Variants in IKZF3 observed in about 807,000 individuals in gnomAD.
IKZF3 encodes zinc finger protein Aiolos.
In IKZF3, 10 loss-of-function variants were observed where a neutral mutation model predicts 49.0. That is an observed-to-expected ratio of 0.20 (90% CI 0.13 to 0.35). IKZF3 has a LOEUF of 0.35. Among genes scored for constraint, IKZF3 ranks in the 10% least tolerant of loss-of-function variants. IKZF3 has a pLI of 1.00. For missense variants in IKZF3, 498 were observed against 664.8 expected, an observed-to-expected ratio of 0.75 and a Z score of 2.76; for synonymous variants, 209 against 228.2, an observed-to-expected ratio of 0.92 and a Z score of 0.76.
intron 7 of IKZF3, among the ~76,000 whole-genome samples, chr17:39,777,004 G>T (rs1367077516): frequency 6.6e-6 from 1 of 152,148 alleles, no homozygotes; most frequent in Non-Finnish European, 1.5e-5. Flanking sequence ...GTAAACATCT[G>T]GGAGAGTTCA....
chr17:39,843,003 G>A (rs1358239755), intron 1 of IKZF3, among the ~76,000 whole-genome samples: 3 of 152,092 alleles, frequency 2.0e-5, no homozygotes, highest in Admixed American at 1.3e-4. Flanking sequence ...AACCAAACTC[G>A]AATTTGCAGG....
At chr17:39,799,610 A>T (rs2061266158) in intron 3 of IKZF3, among the ~76,000 whole-genome samples, 1 of 152,136 alleles carries the variant, frequency 6.6e-6, no homozygotes, top group Non-Finnish European at 1.5e-5. Flanking sequence ...CTCAACCTAG[A>T]CCTACTGGAC....
chr17:39,772,824 CA>C (rs1712754526), intron 7 of IKZF3, among the ~76,000 whole-genome samples: 1 of 151,988 alleles, frequency 6.6e-6, no homozygotes, highest in Non-Finnish European at 1.5e-5. Flanking sequence ...TTCCTCCTAT[CA>C]ATTTTCTTTT....
intron 1 of IKZF3, among the ~76,000 whole-genome samples, chr17:39,850,723 TACATATATAATAGGC>T (rs2062828502): frequency 5.6e-5 from 1 of 17,834 alleles, no homozygotes. Context: ...ATTATATATA[TACATATATAATAGGC>T]TATATAGTAT....
At chr17:39,821,864 A>C (rs575914782) in intron 3 of IKZF3, among the ~76,000 whole-genome samples, 14 of 152,230 alleles carry the variant, frequency 9.2e-5, no homozygotes, top group Non-Finnish European at 1.6e-4. Flanking sequence ...GATCAGTACC[A>C]TCAGCTTCCT....
intron 3 of IKZF3, among the ~76,000 whole-genome samples, chr17:39,812,915 G>A (rs1241302116): frequency 2.0e-5 from 3 of 151,984 alleles, no homozygotes; most frequent in Non-Finnish European, 4.4e-5. Flanking sequence ...TGGCTAACAC[G>A]GTGAAACCCC....
chr17:39,819,466 T>C (rs2061753109), intron 3 of IKZF3, among the ~76,000 whole-genome samples: 1 of 152,178 alleles, frequency 6.6e-6, no homozygotes, highest in Non-Finnish European at 1.5e-5. Context: ...CAACATCATA[T>C]GCCTTTCCTC....
chr17:39,775,651 G>A lies in IKZF3; in HGVS notation c.826+2000C>T, dbSNP rs181818554. ...GATTGAAATTAAGTCACAGCTGGGC[G>A]CAGTGGCTCACGCCTGTAATCCCAG... is the stretch of plus-strand genomic sequence containing the variant. On this transcript the variant is annotated intron_variant, in intron 7 of 7. Transcript: ENST00000346872. Among the ~76,000 whole-genome samples, 290 of 152,296 alleles carry A rather than the reference G, an allele frequency of 1.9e-3. 1 individual carries two copies. The highest frequency in any genetic ancestry group is 3.1e-3 in the Non-Finnish European group (209 of 68,018).
chr17:39,847,898 C>A (rs1036620968), intron 1 of IKZF3, among the ~76,000 whole-genome samples: 1 of 152,130 alleles, frequency 6.6e-6, no homozygotes, highest in Non-Finnish European at 1.5e-5. Context: ...GAATTTAAAT[C>A]GTGTTTTAAA....
At chr17:39,814,920 T>C (rs1246518731) in intron 3 of IKZF3, among the ~76,000 whole-genome samples, 1 of 152,154 alleles carries the variant, frequency 6.6e-6, no homozygotes, top group Non-Finnish European at 1.5e-5. Flanking sequence ...AATGTGCAAC[T>C]CAGGCAGGGT....
At chr17:39,823,358 A>T (rs1360060408) in intron 3 of IKZF3, among the ~76,000 whole-genome samples, 2 of 152,198 alleles carry the variant, frequency 1.3e-5, no homozygotes, top group Non-Finnish European at 2.9e-5. Flanking sequence ...TCTAAGCAGC[A>T]AAGCGTTCAA....
chr17:39,854,148 T>C (rs1245415560), intron 1 of IKZF3, among the ~76,000 whole-genome samples: 1 of 151,886 alleles, frequency 6.6e-6, no homozygotes, highest in East Asian at 1.9e-4. Flanking sequence ...AAAGTCCCAA[T>C]TGTAATATAA....
intron 3 of IKZF3, among the ~76,000 whole-genome samples, chr17:39,818,656 T>A (rs745921656): frequency 1.3e-5 from 2 of 152,010 alleles, no homozygotes; most frequent in African/African-American, 2.4e-5. Flanking sequence ...TTGAGACCAG[T>A]CTGGCCATCT....
intron 3 of IKZF3, among the ~76,000 whole-genome samples, chr17:39,823,418 T>A (rs761523508): frequency 6.6e-6 from 1 of 152,052 alleles, no homozygotes; most frequent in Non-Finnish European, 1.5e-5. Context: ...GACAATGTGA[T>A]AGAAAAGAAA....
chr17:39,763,705 A>C lies in IKZF3; in HGVS notation c.*2085T>G, dbSNP rs999871235. On this transcript the variant is annotated 3_prime_UTR_variant, in exon 8 of 8. Transcript: ENST00000346872. ...TCATATAAATACTCTTCTGCTTAAT[A>C]TCCATACATTAGGAGGTTTAAAAAA... 2.6e-5 allele frequency: 4 copies of C among 152,242 alleles called. No homozygotes were observed. Among genetic ancestry groups the C allele is most frequent in the African/African-American group, 9.6e-5 (4 of 41,462 alleles). The allele number at this position is 152,242 out of a possible 1,614,324, so 9.4% of individuals were successfully genotyped here. A position where few individuals can be genotyped will look rare whatever the true frequency, so the allele number is the denominator to read the frequency against.
At chr17:39,839,392 T>A (rs2062400136) in intron 1 of IKZF3, 1 of 599,468 alleles carries the variant, frequency 1.7e-6, no homozygotes, top group Non-Finnish European at 3.2e-6. Context: ...TTGGTTCTTT[T>A]CCAATGTCTC....
chr17:39,856,732 G>A (rs1420774687), intron 1 of IKZF3, among the ~76,000 whole-genome samples: 1 of 151,728 alleles, frequency 6.6e-6, no homozygotes, highest in Non-Finnish European at 1.5e-5. Flanking sequence ...CTTGAACCTG[G>A]GAGGCAGAGG....
chr17:39,825,514 T>C (rs2061933253), intron 3 of IKZF3, among the ~76,000 whole-genome samples: 1 of 152,196 alleles, frequency 6.6e-6, no homozygotes, highest in Admixed American at 6.5e-5. Context: ...TTAATAATTC[T>C]GGTGGGCTCT....
chr17:39,829,266 C>T (rs2062038949), intron 3 of IKZF3, 121 bp downstream of exon 3: 1 of 637,830 alleles, frequency 1.6e-6, no homozygotes, highest in Non-Finnish European at 2.7e-6. Flanking sequence ...ATTAACAAAA[C>T]AGAATCACTC....
Sources: allele counts gnomAD v4.1 joint callset (sites outside exome capture counted in the v4.1 genomes callset), GRCh38; gene constraint gnomAD v4.1.1; transcripts MANE v1.5; gene names NCBI Gene and HGNC (gene_info 2026-07-23, HGNC 2026-07-21).